ST18: variants seen among roughly 807,000 people sequenced by gnomAD.
The protein encoded by ST18 is ST18 C2H2C-type zinc finger transcription factor.
In ST18, 50 loss-of-function variants were observed where a neutral mutation model predicts 110.0. That is an observed-to-expected ratio of 0.45 (90% CI 0.36 to 0.58). The LOEUF (loss-of-function observed/expected upper bound fraction) is 0.58, where lower values mean the gene tolerates loss of function less well. Among genes scored for constraint, ST18 ranks in the 20% least tolerant of loss-of-function variants. The pLI is 0.00. For synonymous variants in ST18, 461 were observed against 452.4 expected (o/e 1.02, Z -0.24); for missense variants, 1,306 against 1,280.1 (o/e 1.02, Z -0.31).
chr8:52,232,005 T>C (rs896037086), intron 2 of ST18, among the ~76,000 whole-genome samples: 1 of 152,234 alleles, frequency 6.6e-6, no homozygotes, highest in Admixed American at 6.5e-5. Context: ...CCAGATGATG[T>C]TGGTGCTGAT....
At chr8:52,408,040 T>C (rs1424878764) in intron 2 of ST18, 1 of 152,216 alleles carries the variant, frequency 6.6e-6, no homozygotes, top group Non-Finnish European at 1.5e-5. Context: ...ATACAGGTTT[T>C]CCCAGATAAC....
chr8:52,131,653 G>A (rs981832530), intron 22 of ST18, among the ~76,000 whole-genome samples: 1 of 152,172 alleles, frequency 6.6e-6, no homozygotes, highest in Non-Finnish European at 1.5e-5. Context: ...TGGAACTGAA[G>A]TAAACCATTA....
intron 2 of ST18, among the ~76,000 whole-genome samples, chr8:52,356,675 A>G (rs1457343600): frequency 6.6e-6 from 1 of 152,198 alleles, no homozygotes; most frequent in Non-Finnish European, 1.5e-5. Context: ...ACTAGACAAA[A>G]ACTTTAAAAT....
At chr8:52,208,986 T>C (rs1044468835) in intron 8 of ST18, among the ~76,000 whole-genome samples, 1 of 152,214 alleles carries the variant, frequency 6.6e-6, no homozygotes, top group African/African-American at 2.4e-5. Context: ...ATTAATGATG[T>C]TTATAAATTT....
chr8:52,370,375 T>C (rs1829823413), intron 2 of ST18, among the ~76,000 whole-genome samples: 1 of 151,100 alleles, frequency 6.6e-6, no homozygotes. Flanking sequence ...TGTGTGTGCA[T>C]GCATGCATGT....
At position 52,316,785 on chromosome 8, in the gene ST18, T is replaced by C. The variant is rs567011445; in HGVS notation, c.-464-86708A>G. Among the ~76,000 whole-genome samples, 97 of 152,234 alleles carry C rather than the reference T, an allele frequency of 6.4e-4. 4 individuals are homozygous for C. In the South Asian group the frequency reaches 0.019, roughly 31 times the overall value. On this transcript the variant is annotated intron_variant, in intron 2 of 25. Transcript: ENST00000689386. ...CTCAGTGGTCATGTGCTGTATGGTA[T>C]ATCTTCTCTTGAATATATTACATCT...
At chr8:52,182,635 G>A (rs947967771) in intron 8 of ST18, among the ~76,000 whole-genome samples, 1 of 152,106 alleles carries the variant, frequency 6.6e-6, no homozygotes, top group African/African-American at 2.4e-5. Context: ...CGGGGGATGA[G>A]GGAGGGGGAA....
intron 2 of ST18, among the ~76,000 whole-genome samples, chr8:52,341,455 G>T (rs1269261144): frequency 6.6e-6 from 1 of 152,274 alleles, no homozygotes; most frequent in East Asian, 1.9e-4. Flanking sequence ...AAAGAAGTCC[G>T]CATCCTAATC....
chr8:52,116,611 A>T (rs1188064646), intron 24 of ST18, among the ~76,000 whole-genome samples, 193 bp from the exon 25 acceptor site: 1 of 152,236 alleles, frequency 6.6e-6, no homozygotes, highest in Non-Finnish European at 1.5e-5. Context: ...CCAAATTTTC[A>T]TCTTCAGCCC....
intron 9 of ST18, among the ~76,000 whole-genome samples, chr8:52,178,344 G>A (rs1158836049): frequency 2.6e-5 from 4 of 151,314 alleles, no homozygotes; most frequent in African/African-American, 7.3e-5. Flanking sequence ...CAAATAAAAC[G>A]GAGCCAGGCA....
chr8:52,250,793 T>C (rs2094255427), intron 2 of ST18, among the ~76,000 whole-genome samples: 3 of 152,004 alleles, frequency 2.0e-5, no homozygotes. Context: ...AGGTGAGCTA[T>C]ACATTTCTAA....
chr8:52,217,400 A>G (rs1016812859), intron 6 of ST18, among the ~76,000 whole-genome samples: 6 of 152,312 alleles, frequency 3.9e-5, no homozygotes, highest in African/African-American at 1.4e-4. Flanking sequence ...AGTTCAGTTT[A>G]AATGATAAGT....
intron 23 of ST18, among the ~76,000 whole-genome samples, chr8:52,123,168 A>T (rs1438679781): frequency 1.3e-5 from 2 of 152,206 alleles, no homozygotes; most frequent in African/African-American, 4.8e-5. Flanking sequence ...AATTATTCTA[A>T]AATTAATGTA....
At chr8:52,293,113 G>A (rs1000622730) in intron 2 of ST18, among the ~76,000 whole-genome samples, 4 of 152,208 alleles carry the variant, frequency 2.6e-5, no homozygotes, top group African/African-American at 9.7e-5. Flanking sequence ...ATGTGGTTTT[G>A]CCACTTGTGT....
rs755461916 is a variant in ST18, at chr8:52,263,743, C to CTTT, written c.-464-33669_-464-33667dup. On this transcript the variant is annotated intron_variant, in intron 2 of 25. Coordinates refer to ENST00000689386, the MANE Select transcript of ST18 (RefSeq NM_001352837.2). Reference sequence around the variant, plus strand: ...TACAGGTGTGAGTCACAGTGCCTGGCTTTTTTTTTTTTTTTTTTTTTGAGA... The same window carrying CTTT: ...TACAGGTGTGAGTCACAGTGCCTGGCTTTTTTTTTTTTTTTTTTTTTTTTGAGA... Among the ~76,000 whole-genome samples the CTTT allele has an allele frequency of 1.5e-4, 14 of 94,590 alleles. 1 individual carries two copies. The highest frequency in any genetic ancestry group is 2.1e-4 in the Non-Finnish European group (10 of 48,624). 62.1% of individuals were successfully genotyped at this position (94,590 alleles called of 152,430 possible). A position where few individuals can be genotyped will look rare whatever the true frequency, so the allele number is the denominator to read the frequency against.
chr8:52,393,281 TAGTC>T (rs962091242), intron 2 of ST18, among the ~76,000 whole-genome samples: 5 of 152,172 alleles, frequency 3.3e-5, no homozygotes, highest in Admixed American at 1.3e-4. Flanking sequence ...TTGGAAAACA[TAGTC>T]AGTGATGCCC....
At chr8:52,263,391 A>G (rs2094758720) in intron 2 of ST18, among the ~76,000 whole-genome samples, 1 of 152,190 alleles carries the variant, frequency 6.6e-6, no homozygotes, top group South Asian at 2.1e-4. Flanking sequence ...ATCAAATGCA[A>G]GTGCTTACCC....
chr8:52,211,782 A>G (rs114546253), intron 8 of ST18, among the ~76,000 whole-genome samples: 2,757 of 152,278 alleles, frequency 0.018, 91 homozygotes, highest in African/African-American at 0.063. Flanking sequence ...ATCCAACCGC[A>G]TGCAAGGTGT....
intron 2 of ST18, among the ~76,000 whole-genome samples, chr8:52,348,617 G>A (rs978882006): frequency 3.3e-5 from 5 of 152,058 alleles, no homozygotes; most frequent in South Asian, 2.1e-4. Context: ...GGTGGTGTGC[G>A]CCTGTAATCC....
Sources: allele counts gnomAD v4.1 joint callset (sites outside exome capture counted in the v4.1 genomes callset), GRCh38; gene constraint gnomAD v4.1.1; transcripts MANE v1.5; gene names NCBI Gene and HGNC (gene_info 2026-07-23, HGNC 2026-07-21).